Variants in OIP5 observed in about 807,000 individuals in gnomAD.
The protein encoded by OIP5 is protein Mis18-beta.
Under a neutral mutation model 20.3 loss-of-function variants are expected in OIP5, and 24 were observed. That is an observed-to-expected ratio of 1.18 (90% CI 0.86 to 1.66). The LOEUF is 1.66. OIP5 is among the 40% of genes most tolerant of loss of function. The probability of loss-of-function intolerance (pLI) is 0.00; values close to 1 mark genes in which losing one functional copy is unlikely to be tolerated. For synonymous variants in OIP5, 143 were observed against 121.3 expected, an observed-to-expected ratio of 1.18 and a Z score of -1.17; for missense variants, 339 against 289.5, an observed-to-expected ratio of 1.17 and a Z score of -1.24.
At chr15:41,319,292 TGCAGTGGCGTGATCTC>T (rs2047807739) in intron 3 of OIP5, among the ~76,000 whole-genome samples, 1 of 151,296 alleles carries the variant, frequency 6.6e-6, no homozygotes, top group African/African-American at 2.4e-5. Flanking sequence ...CAGGCTGGAG[TGCAGTGGCGTGATCTC>T]ACAGTGGCGT....
At chr15:41,319,241 T>C (rs1218370308) in intron 3 of OIP5, among the ~76,000 whole-genome samples, 2 of 143,240 alleles carry the variant, frequency 1.4e-5, no homozygotes, top group Non-Finnish European at 3.1e-5. Context: ...CCCAGCTACT[T>C]TTTTTTTTTT....
intron 2 of OIP5, among the ~76,000 whole-genome samples, chr15:41,326,950 G>A (rs202034172): frequency 6.6e-6 from 1 of 151,924 alleles, no homozygotes; most frequent in East Asian, 1.9e-4. Flanking sequence ...AGTAGAATGA[G>A]GTCAACTAGA....
chr15:41,315,150 C>T (rs890062500), intron 3 of OIP5, among the ~76,000 whole-genome samples: 7 of 150,228 alleles, frequency 4.7e-5, no homozygotes, highest in East Asian at 2.0e-4. Context: ...TTTATGCTGG[C>T]GGGGCGCAGT....
chr15:41,321,365 C>T (rs2047826502), intron 2 of OIP5, among the ~76,000 whole-genome samples: 1 of 151,948 alleles, frequency 6.6e-6, no homozygotes, highest in Non-Finnish European at 1.5e-5. Flanking sequence ...TCTGCCCGGC[C>T]GCCCCTACTG....
chr15:41,321,566 T>C (rs865799233), intron 2 of OIP5, among the ~76,000 whole-genome samples: 25 of 152,278 alleles, frequency 1.6e-4, no homozygotes, highest in Middle Eastern at 3.4e-3. Context: ...ACTTTTCATT[T>C]TGTTCTGTAC....
intron 3 of OIP5, among the ~76,000 whole-genome samples, chr15:41,315,723 AT>A (rs1349097747): frequency 6.6e-6 from 1 of 152,220 alleles, no homozygotes; most frequent in Non-Finnish European, 1.5e-5. Context: ...CCTAACAAAA[AT>A]GCAATTATTG....
intron 2 of OIP5, 112 bp from the exon 3 acceptor site, chr15:41,319,892 T>C (rs1347265461): frequency 1.2e-6 from 1 of 809,622 alleles, no homozygotes; most frequent in Non-Finnish European, 1.9e-6. Flanking sequence ...AAAATTACAT[T>C]GTAATAGGAA....
At chr15:41,330,804 T>C (rs998098669) in intron 2 of OIP5, among the ~76,000 whole-genome samples, 2 of 152,170 alleles carry the variant, frequency 1.3e-5, no homozygotes, top group Admixed American at 6.6e-5. Flanking sequence ...TTTAATAATA[T>C]ATAATAGCTA....
intron 2 of OIP5, among the ~76,000 whole-genome samples, chr15:41,321,135 CCT>C (rs2047821911): frequency 6.6e-6 from 1 of 151,832 alleles, no homozygotes; most frequent in Non-Finnish European, 1.5e-5. Context: ...CGGCAGCCAC[CCT>C]GTCGGGGAGG....
At chr15:41,328,045 C>T (rs2140466892) in intron 2 of OIP5, among the ~76,000 whole-genome samples, 1 of 151,972 alleles carries the variant, frequency 6.6e-6, no homozygotes, top group Admixed American at 6.6e-5. Flanking sequence ...AGGTTGTTCT[C>T]CATCCTGGGT....
At chr15:41,313,233 C>T (rs763562632) in intron 4 of OIP5, 40 bp downstream of exon 4, 1 of 1,203,864 alleles carries the variant, frequency 8.3e-7, no homozygotes, top group South Asian at 1.2e-5. Context: ...CAAGAGTTGT[C>T]TGTATTTTAA....
At chr15:41,321,861 A>G (rs2047831784) in intron 2 of OIP5, among the ~76,000 whole-genome samples, 2 of 151,094 alleles carry the variant, frequency 1.3e-5, no homozygotes, top group African/African-American at 4.9e-5. Context: ...CCTTCCCTCC[A>G]CTATTGTCCT....
chr15:41,325,681 C>G (rs112448722), intron 2 of OIP5, among the ~76,000 whole-genome samples: 32,096 of 149,222 alleles, frequency 0.22, 3,670 homozygotes, highest in Non-Finnish European at 0.25. Flanking sequence ...CGAAACCCAT[C>G]TCTAATAAAA....
In OIP5 at chr15:41,332,381, C is replaced by G. The variant is rs35123814; in HGVS notation, c.181G>C (p.Ala61Pro). 4,584 of 1,612,634 alleles carry G rather than the reference C, an allele frequency of 2.8e-3. 139 individuals are homozygous for G. In the African/African-American group the frequency reaches 0.055, roughly 19 times the overall value. ...CAAGACGGCAGCTGCGGGCCGGCGG[C>G]TGGCTCCTCAGCCCCCAGCCCTGCG... ...GPAGLGAEEP[A>P]AGPQLPSWLQ... The change falls in exon 1 of 5, where the codon GCC (alanine) becomes CCC (proline). Residue 61 changes from alanine to proline, a missense_variant. Physicochemically the swap from Ala to Pro is conservative, Grantham distance 27. Transcript: ENST00000220514.
chr15:41,319,719 T>G lies in OIP5; in HGVS notation c.451A>C (p.Thr151Pro). The G allele has an allele frequency of 6.2e-7, 1 of 1,613,760 alleles. No homozygotes were observed. The highest frequency in any genetic ancestry group is 8.5e-7 in the Non-Finnish European group (1 of 1,179,806). ...GIPVGFHLYS[T>P]HAALAALRGH... ...CTCAAGGCAGCCAGGGCAGCATGGGTAGAATACAGATGGAAACCAACGGGA... is the reference window on the plus strand; with the variant it reads ...CTCAAGGCAGCCAGGGCAGCATGGGGAGAATACAGATGGAAACCAACGGGA... Residue 151 changes from threonine to proline, a missense_variant, in exon 3 of 5, where the codon ACC becomes CCC. Transcript: ENST00000220514.
chr15:41,310,784 GCTTTT>G (rs1437629842), intron 4 of OIP5, among the ~76,000 whole-genome samples: 1 of 152,144 alleles, frequency 6.6e-6, no homozygotes, highest in African/African-American at 2.4e-5. Context: ...CAAGAATTTA[GCTTTT>G]CTTTTAACAC....
In OIP5 at chr15:41,313,367, AAAG is replaced by A. The variant is rs748724157; in HGVS notation, c.513-16_513-14del. 2.8e-6 allele frequency: 4 copies of A among 1,418,250 alleles called. No individual in the cohort carries two copies. In the South Asian group the frequency reaches 4.6e-5, roughly 16 times the overall value. The allele number at this position is 1,418,250 out of a possible 1,614,324, so 87.9% of individuals were successfully genotyped here. On this transcript the variant is annotated splice_polypyrimidine_tract_variant and intron_variant, in intron 3 of 4. Transcript: ENST00000220514. ...TTTTAAGAGATAGCTAGATAGGAAAAAAGAAAAATATTAGTGTCATACCATGGT... is the reference window on the plus strand; with the variant it reads ...TTTTAAGAGATAGCTAGATAGGAAAAAAAAATATTAGTGTCATACCATGGT...
At chr15:41,314,062 G>C (rs946875092) in intron 3 of OIP5, among the ~76,000 whole-genome samples, 1 of 152,022 alleles carries the variant, frequency 6.6e-6, no homozygotes, top group Non-Finnish European at 1.5e-5. Context: ...AGTAATCCCA[G>C]TATGAGACAT....
intron 2 of OIP5, among the ~76,000 whole-genome samples, chr15:41,325,814 C>A (rs1204423792): frequency 4.5e-5 from 6 of 133,116 alleles, no homozygotes. Flanking sequence ...CATGCCACTG[C>A]ACTTCTGTCT....
Sources: gnomAD v4.1 joint callset for allele counts (sites outside exome capture counted in the v4.1 genomes callset) on GRCh38, gnomAD v4.1.1 for gene constraint, MANE v1.5 for transcripts, NCBI Gene and HGNC (gene_info 2026-07-23, HGNC 2026-07-21) for gene names.